ZFAND3: variants seen among roughly 807,000 people sequenced by gnomAD.
ZFAND3 encodes zinc finger AN1-type containing 3.
Under a neutral mutation model 29.6 loss-of-function variants are expected in ZFAND3, and 10 were observed. That is an observed-to-expected ratio of 0.34 (90% CI 0.21 to 0.57). The LOEUF (loss-of-function observed/expected upper bound fraction) is 0.57, where lower values mean the gene tolerates loss of function less well. Among genes scored for constraint, ZFAND3 ranks in the 20% least tolerant of loss-of-function variants. The pLI, the probability that ZFAND3 is intolerant of heterozygous loss-of-function variation, is 0.86. For missense variants in ZFAND3, 230 were observed against 304.5 expected (o/e 0.76, Z 1.82); for synonymous variants, 128 against 112.6 (o/e 1.14, Z -0.87).
At chr6:38,085,115 CA>C (rs1488280619) in intron 4 of ZFAND3, among the ~76,000 whole-genome samples, 1 of 152,144 alleles carries the variant, frequency 6.6e-6, no homozygotes, top group East Asian at 1.9e-4. Context: ...TCTGAACCAC[CA>C]ATTGTTATTG....
chr6:37,841,282 T>G (rs923793000), intron 1 of ZFAND3, among the ~76,000 whole-genome samples: 9 of 152,196 alleles, frequency 5.9e-5, no homozygotes, highest in Admixed American at 5.9e-4. Flanking sequence ...CATTTTATCA[T>G]GAGAAATCAA....
At chr6:38,073,873 C>T (rs971550434) in intron 3 of ZFAND3, among the ~76,000 whole-genome samples, 1 of 152,214 alleles carries the variant, frequency 6.6e-6, no homozygotes, top group Admixed American at 6.5e-5. Flanking sequence ...ACATACGTAG[C>T]AGAAATGGAA....
intron 2 of ZFAND3, among the ~76,000 whole-genome samples, chr6:37,941,407 C>T (rs1761808435): frequency 6.6e-6 from 1 of 152,206 alleles, no homozygotes; most frequent in Non-Finnish European, 1.5e-5. Context: ...TAGATCCCCT[C>T]ATAATCAGAG....
chr6:38,066,649 C>T (rs983083050), intron 3 of ZFAND3, among the ~76,000 whole-genome samples: 2 of 152,090 alleles, frequency 1.3e-5, no homozygotes, highest in African/African-American at 4.8e-5. Context: ...TACAAGAAAA[C>T]AGATGTTGCT....
chr6:38,148,633 A>AGCT (rs1285218208), intron 5 of ZFAND3, among the ~76,000 whole-genome samples: 1 of 152,188 alleles, frequency 6.6e-6, no homozygotes, highest in Non-Finnish European at 1.5e-5. Context: ...ATCAGAGAGC[A>AGCT]ACCCAAGGTT....
chr6:37,944,615 T>C (rs923558597), intron 2 of ZFAND3, among the ~76,000 whole-genome samples: 2 of 152,254 alleles, frequency 1.3e-5, no homozygotes, highest in Admixed American at 6.5e-5. Context: ...GACTGAGGTC[T>C]TGTGTTTTGA....
intron 2 of ZFAND3, among the ~76,000 whole-genome samples, chr6:37,958,764 A>G (rs1381384128): frequency 1.3e-5 from 2 of 151,928 alleles, no homozygotes; most frequent in African/African-American, 4.8e-5. Context: ...CCGACGGACA[A>G]AATGTACCTT....
chr6:38,149,431 C>T (rs1051925363), intron 5 of ZFAND3, among the ~76,000 whole-genome samples: 1 of 146,060 alleles, frequency 6.8e-6, no homozygotes, highest in Non-Finnish European at 1.5e-5. Context: ...AAAAAAAAAC[C>T]TAAGCCAAGT....
intron 2 of ZFAND3, among the ~76,000 whole-genome samples, chr6:38,046,952 T>C (rs891913828): frequency 3.3e-5 from 5 of 152,048 alleles, no homozygotes; most frequent in African/African-American, 1.2e-4. Context: ...TGTCTAGTAA[T>C]CAGCAGCTGG....
At chr6:38,132,120 G>A (rs1308695189) in intron 5 of ZFAND3, among the ~76,000 whole-genome samples, 3 of 152,168 alleles carry the variant, frequency 2.0e-5, no homozygotes, top group Admixed American at 6.5e-5. Flanking sequence ...AAAATTATTT[G>A]GTATGCTTAT....
chr6:37,890,946 A>G (rs1230635489), intron 1 of ZFAND3, among the ~76,000 whole-genome samples: 12 of 152,250 alleles, frequency 7.9e-5, no homozygotes, highest in Admixed American at 6.5e-4. Context: ...TTACAGAAAC[A>G]TCGGAAGATG....
chr6:38,021,794 G>T (rs565249413), intron 2 of ZFAND3, among the ~76,000 whole-genome samples: 1 of 152,258 alleles, frequency 6.6e-6, no homozygotes, highest in South Asian at 2.1e-4. Context: ...GACAATTCCT[G>T]CTTTCCCCAT....
At chr6:38,047,681 C>CT (rs1292498505) in intron 2 of ZFAND3, among the ~76,000 whole-genome samples, 1 of 152,070 alleles carries the variant, frequency 6.6e-6, no homozygotes, top group Admixed American at 6.6e-5. Context: ...TGACCAGAAA[C>CT]TTTAAGAGCT....
intron 1 of ZFAND3, among the ~76,000 whole-genome samples, chr6:37,883,677 G>A (rs1322152042): frequency 2.1e-5 from 3 of 143,974 alleles, no homozygotes; most frequent in Non-Finnish European, 4.5e-5. Flanking sequence ...GAGTAGCTGG[G>A]ATTACAGGTG....
chr6:38,063,307 A>G (rs994591591), intron 3 of ZFAND3, among the ~76,000 whole-genome samples: 13 of 152,220 alleles, frequency 8.5e-5, no homozygotes, highest in African/African-American at 3.1e-4. Flanking sequence ...GGGAAATTAA[A>G]TATATTTGTT....
intron 1 of ZFAND3, among the ~76,000 whole-genome samples, chr6:37,929,757 A>AT (rs1264478385): frequency 3.3e-4 from 43 of 130,014 alleles, no homozygotes; most frequent in Admixed American, 1.6e-3. Context: ...AAGTGTTTAT[A>AT]TTTTTGTTTT....
intron 2 of ZFAND3, among the ~76,000 whole-genome samples, chr6:38,013,510 G>A (rs983348775): frequency 6.6e-6 from 1 of 152,130 alleles, no homozygotes; most frequent in African/African-American, 2.4e-5. Context: ...TACAGCCCCA[G>A]AACAACACAT....
At chr6:37,969,400 A>G (rs1027390395) in intron 2 of ZFAND3, among the ~76,000 whole-genome samples, 2 of 152,202 alleles carry the variant, frequency 1.3e-5, no homozygotes, top group African/African-American at 4.8e-5. Context: ...GCTGCCAAAC[A>G]TTATAGCTTA....
chr6:38,028,612 A>G (rs528038658), intron 2 of ZFAND3, among the ~76,000 whole-genome samples: 12 of 152,296 alleles, frequency 7.9e-5, no homozygotes, highest in African/African-American at 2.6e-4. Context: ...CATTGCGACT[A>G]AAGTCTGCCT....
Sources: allele counts gnomAD v4.1 joint callset (sites outside exome capture counted in the v4.1 genomes callset), GRCh38; gene constraint gnomAD v4.1.1; transcripts MANE v1.5; gene names NCBI Gene and HGNC (gene_info 2026-07-23, HGNC 2026-07-21).